Variants in ZDHHC23 observed in about 807,000 individuals in gnomAD.
The protein encoded by ZDHHC23 is palmitoyltransferase ZDHHC23.
In ZDHHC23, 41 loss-of-function variants were observed where a neutral mutation model predicts 40.2. The ratio of observed to expected loss-of-function variants is 1.02; its 90% CI spans 0.79 to 1.32. ZDHHC23 has a LOEUF of 1.32. ZDHHC23 is among the 40% of genes most tolerant of loss of function. The probability of loss-of-function intolerance (pLI) is 0.00; values close to 1 mark genes in which losing one functional copy is unlikely to be tolerated. For synonymous variants in ZDHHC23, 204 were observed against 210.2 expected, an observed-to-expected ratio of 0.97 and a Z score of 0.26; for missense variants, 471 against 541.5, an observed-to-expected ratio of 0.87 and a Z score of 1.29.
At chr3:113,975,590 A>G in the ZDHHC23 span, among the ~76,000 whole-genome samples, 17 of 152,232 alleles carry the variant, frequency 1.1e-4, no homozygotes, top group Admixed American at 1.0e-3. Flanking sequence ...TCTGTTTAAC[A>G]TGTAAACAGT....
Position 113,948,667 on chromosome 3 carries a change from C to A in ZDHHC23, c.-117-19C>A. On this transcript the variant is annotated intron_variant, in intron 1 of 4. Transcript: ENST00000638807. ...ACGGGACCCCCTCCCCCTCTCTCTT[C>A]TCATTTTTGATTGCTCAGGCGTTGG... 1.9e-6 allele frequency: 2 copies of A among 1,049,290 alleles called. No homozygotes were observed. Among genetic ancestry groups the A allele is most frequent in the Non-Finnish European group, 2.7e-6 (2 of 735,006 alleles). The allele number at this position is 1,049,290 out of a possible 1,614,324, so 65.0% of individuals were successfully genotyped here. A position where few individuals can be genotyped will look rare whatever the true frequency, so the allele number is the denominator to read the frequency against.
chr3:113,978,146 G>C, the ZDHHC23 span: 4 of 1,607,666 alleles, frequency 2.5e-6, no homozygotes, highest in Non-Finnish European at 3.4e-6. Flanking sequence ...GAGCAATTGT[G>C]AAGTCAGAGA....
At chr3:113,967,624 T>C (rs1043726098), downstream of ZDHHC23, among the ~76,000 whole-genome samples, 1 of 152,200 alleles carries the variant, frequency 6.6e-6, no homozygotes, top group African/African-American at 2.4e-5. Context: ...ATATTTATCT[T>C]TTATTTACCA....
the ZDHHC23 span, chr3:113,978,124 G>A: frequency 6.3e-7 from 1 of 1,577,594 alleles, no homozygotes; most frequent in Non-Finnish European, 8.7e-7. Context: ...TGTAGGAGCA[G>A]AATATATTGC....
At chr3:113,950,694 C>T (rs1938575829) in intron 2 of ZDHHC23, among the ~76,000 whole-genome samples, 1 of 152,118 alleles carries the variant, frequency 6.6e-6, no homozygotes, top group South Asian at 2.1e-4. Flanking sequence ...TTAGCTCATC[C>T]CAGTGTCAAT....
At chr3:113,965,336 C>T (rs199960106), downstream of ZDHHC23, 50 of 1,596,572 alleles carry the variant, frequency 3.1e-5, no homozygotes, top group Non-Finnish European at 3.9e-5. Context: ...CTTCCATGTC[C>T]GAAGGGTGAT....
chr3:113,950,510 T>G lies in ZDHHC23; in HGVS notation c.161+1547T>G, dbSNP rs529519564. ...GCACAAGTCTCATTCATGAGGGCTG[T>G]GCCTTCATGACCTAATCACCTCCTT... On this transcript the variant is annotated intron_variant, in intron 2 of 4. Transcript: ENST00000638807. 2.6e-5 allele frequency among the ~76,000 whole-genome samples: 4 copies of G among 152,302 alleles called. No homozygotes were observed. In the East Asian group the frequency reaches 7.7e-4, roughly 29 times the overall value.
intron 2 of ZDHHC23, among the ~76,000 whole-genome samples, chr3:113,952,432 TTAGGGATTC>T: frequency 1.3e-5 from 2 of 152,326 alleles, no homozygotes; most frequent in East Asian, 3.9e-4. Context: ...TCATTACCTC[TTAGGGATTC>T]TCGAAGATTG....
downstream of ZDHHC23, among the ~76,000 whole-genome samples, chr3:113,969,633 C>A (rs1577304635): frequency 6.6e-6 from 1 of 152,236 alleles, no homozygotes; most frequent in Middle Eastern, 3.4e-3. Flanking sequence ...GTTCTTGGCA[C>A]TTTTGTCAAA....
At chr3:113,957,779 C>G (rs764532221) in intron 4 of ZDHHC23, 2 of 518,656 alleles carry the variant, frequency 3.9e-6, no homozygotes, top group Non-Finnish European at 7.7e-6. Context: ...CTGAGAGGAG[C>G]TTCCCTACCT....
downstream of ZDHHC23, chr3:113,964,286 T>G (rs150338643): frequency 1.1e-3 from 161 of 152,326 alleles, no homozygotes; most frequent in African/African-American, 3.5e-3. Context: ...AAATGTGTAT[T>G]TTATAATGAA....
the ZDHHC23 span, chr3:113,978,168 T>G: frequency 6.2e-7 from 1 of 1,613,576 alleles, no homozygotes; most frequent in Non-Finnish European, 8.5e-7. Flanking sequence ...TGAATTTTCC[T>G]CACTATCAAA....
rs1248972625 is a variant in ZDHHC23 at position 113,948,694 on chromosome 3, G to A, written c.-109G>A. The stretch of plus-strand genomic sequence containing the variant: ...CATTTTTGATTGCTCAGGCGTTGGA[G>A]GTTAAGCAGAGAGAGAGAGGCGTGG... On this transcript the variant is annotated 5_prime_UTR_variant, in exon 2 of 5. Transcript: ENST00000638807. 6.0e-6 allele frequency: 8 copies of A among 1,333,474 alleles called. No individual in the cohort carries two copies. In the East Asian group the frequency reaches 1.6e-4, roughly 27 times the overall value. The allele number at this position is 1,333,474 out of a possible 1,614,324, so 82.6% of individuals were successfully genotyped here.
At position 113,956,372 on chromosome 3, in the gene ZDHHC23, A is replaced by G; in HGVS notation, c.906A>G (p.Gln302=). The change falls in exon 4 of 5, where the codon CAA becomes CAG. Residue 302 remains glutamine (Q), a synonymous_variant. Coordinates refer to ENST00000638807, the MANE Select transcript of ZDHHC23 (RefSeq NM_001320466.2). ...GCTGCGTTGGAGAATCAAATCATCA[A>G]GCATTTATACTTGCCCTTTTGATCT... ...INSCVGESNH[Q]AFILALLIFL... 1 of 1,614,136 alleles carries G rather than the reference A, an allele frequency of 6.2e-7. No homozygotes were observed. Among genetic ancestry groups the G allele is most frequent in the Non-Finnish European group, 8.5e-7 (1 of 1,180,036 alleles).
chr3:113,971,833 T>A, the ZDHHC23 span, among the ~76,000 whole-genome samples: 2 of 152,174 alleles, frequency 1.3e-5, no homozygotes, highest in Non-Finnish European at 2.9e-5. Flanking sequence ...GTGAGACTTT[T>A]TAATTACAGC....
At chr3:113,978,253 T>A in the ZDHHC23 span, 1 of 1,614,012 alleles carries the variant, frequency 6.2e-7, no homozygotes. Flanking sequence ...CTGACCATGT[T>A]AAACCAGGCC....
chr3:113,976,776 G>A, the ZDHHC23 span, among the ~76,000 whole-genome samples: 1 of 152,274 alleles, frequency 6.6e-6, no homozygotes. Context: ...TTTTATGAGA[G>A]AGGAACAGGG....
At chr3:113,953,345 CACTT>C (rs1430813930) in intron 2 of ZDHHC23, among the ~76,000 whole-genome samples, 1 of 152,172 alleles carries the variant, frequency 6.6e-6, no homozygotes, top group Non-Finnish European at 1.5e-5. Context: ...GCTGCTTTGT[CACTT>C]ACCTAATAGT....
rs1939624539 is a variant in ZDHHC23, at chr3:113,960,739, C to T, written c.*2109C>T. 6.4e-7 allele frequency: 1 copy of T among 1,573,586 alleles called. No individual in the cohort carries two copies. The highest frequency in any genetic ancestry group is 1.4e-5 in the African/African-American group (1 of 72,462). ...TAATAGGGTTACTTGGATGAGCCAA[C>T]TCCGCTTCCTTCCCATGGATAGGAA... On this transcript the variant is annotated 3_prime_UTR_variant, in exon 5 of 5. Transcript: ENST00000638807.
Sources: allele counts gnomAD v4.1 joint callset (sites outside exome capture counted in the v4.1 genomes callset), GRCh38; gene constraint gnomAD v4.1.1; transcripts MANE v1.5; gene names NCBI Gene and HGNC (gene_info 2026-07-23, HGNC 2026-07-21).